The following CHD1L variants were observed in gnomAD, a reference collection of about 807,000 sequenced individuals.
CHD1L encodes chromodomain helicase DNA binding protein 1 like, also known as ATP-dependent chromatin remodeler CHD1L.
A neutral mutation model predicts 115.9 loss-of-function variants in CHD1L; 118 were observed. That is an observed-to-expected ratio of 1.02 (90% CI 0.88 to 1.19). The LOEUF is 1.19. Among genes scored for constraint, CHD1L ranks in the 50% most tolerant of loss-of-function variants. The pLI is 0.00. For missense variants in CHD1L, 1,179 were observed against 1,065.3 expected, an observed-to-expected ratio of 1.11 and a Z score of -1.49; for synonymous variants, 411 against 387.1, an observed-to-expected ratio of 1.06 and a Z score of -0.72.
At chr1:147,226,159 A>G in the CHD1L span, among the ~76,000 whole-genome samples, 2 of 149,708 alleles carry the variant, frequency 1.3e-5, no homozygotes, top group Non-Finnish European at 3.0e-5. Context: ...CTTGTGAACG[A>G]GGCAAGGTGG....
chr1:147,252,476 ATCCATAAC>A (rs1553937031), intron 1 of CHD1L, 139 bp from the exon 2 acceptor site: 4 of 582,884 alleles, frequency 6.9e-6, no homozygotes, highest in African/African-American at 5.5e-5. Context: ...ATGTTTAGAT[ATCCATAAC>A]TCCTCAGCAA....
At chr1:147,217,065 A>G in the CHD1L span, among the ~76,000 whole-genome samples, 1 of 150,838 alleles carries the variant, frequency 6.6e-6, no homozygotes. Context: ...ACATGGAGAA[A>G]CCCTGTCTCT....
the CHD1L span, chr1:147,178,582 G>C: frequency 6.2e-7 from 1 of 1,608,192 alleles, no homozygotes; most frequent in Non-Finnish European, 8.5e-7. Context: ...TGCCTCTATA[G>C]TAGGTTTTTT....
At chr1:147,217,204 A>C in the CHD1L span, among the ~76,000 whole-genome samples, 4 of 151,630 alleles carry the variant, frequency 2.6e-5, no homozygotes, top group Non-Finnish European at 5.9e-5. Flanking sequence ...GCGCCATTGC[A>C]CTCCAGCCTG....
chr1:147,238,215 C>T (rs1664647869), upstream of CHD1L, among the ~76,000 whole-genome samples: 1 of 152,160 alleles, frequency 6.6e-6, no homozygotes, highest in Admixed American at 6.5e-5. Context: ...CACCCATGGG[C>T]ACGGACCTAA....
At chr1:147,186,787 G>A in the CHD1L span, 2 of 1,491,946 alleles carry the variant, frequency 1.3e-6, no homozygotes, top group Non-Finnish European at 1.8e-6. Context: ...TTTCGAAAGA[G>A]ACATTAAAGT....
chr1:147,242,898 G>T, intron 1 of CHD1L, 68 bp downstream of exon 1: 1 of 1,237,850 alleles, frequency 8.1e-7, no homozygotes, highest in East Asian at 3.1e-5. Context: ...TGCGGGCCGG[G>T]GGCGCAGCGG....
At chr1:147,295,032 TC>T (rs1355085795) in intron 22 of CHD1L, among the ~76,000 whole-genome samples, 6,169 of 152,320 alleles carry the variant, frequency 0.041, 133 homozygotes, top group African/African-American at 0.059. Flanking sequence ...ACCTCCTTGC[TC>T]TATAAGTTAG....
chr1:147,228,004 G>C, the CHD1L span, among the ~76,000 whole-genome samples: 15 of 77,462 alleles, frequency 1.9e-4, no homozygotes, highest in Non-Finnish European at 3.5e-4. Context: ...GCTCCATGGA[G>C]GCCACTTTTT....
At chr1:147,268,736 C>A in intron 9 of CHD1L, 46 bp from the exon 10 acceptor site, 1 of 1,507,110 alleles carries the variant, frequency 6.6e-7, no homozygotes, top group Non-Finnish European at 9.2e-7. Context: ...CTGGCTTCTG[C>A]CCTTACTGAG....
upstream of CHD1L, among the ~76,000 whole-genome samples, chr1:147,241,279 C>T (rs1429485350): frequency 1.3e-5 from 2 of 152,150 alleles, no homozygotes; most frequent in African/African-American, 4.8e-5. Flanking sequence ...TGATGACATT[C>T]CACCACAAAA....
At chr1:147,224,987 C>T in the CHD1L span, 15 of 1,613,958 alleles carry the variant, frequency 9.3e-6, no homozygotes, top group South Asian at 2.2e-5. Flanking sequence ...GAAGAGAGCC[C>T]GCTCACTCCT....
chr1:147,230,990 T>G, the CHD1L span, among the ~76,000 whole-genome samples: 1 of 152,150 alleles, frequency 6.6e-6, no homozygotes, highest in East Asian at 1.9e-4. Context: ...GAAGGGTTTT[T>G]TGTGTCTCTA....
intron 5 of CHD1L, chr1:147,259,616 C>G (rs1213500115): frequency 4.8e-6 from 2 of 419,248 alleles, no homozygotes; most frequent in Non-Finnish European, 8.6e-6. Flanking sequence ...ATAGGTCTTT[C>G]CCATTTTGTT....
chr1:147,179,126 T>A, the CHD1L span: 1 of 1,614,102 alleles, frequency 6.2e-7, no homozygotes, highest in Non-Finnish European at 8.5e-7. Context: ...AAGTTTGTCA[T>A]GCAGGAGGAT....
intron 16 of CHD1L, among the ~76,000 whole-genome samples, 155 bp from the exon 17 acceptor site, chr1:147,285,169 G>T (rs1682570236): frequency 6.6e-6 from 1 of 152,220 alleles, no homozygotes; most frequent in African/African-American, 2.4e-5. Flanking sequence ...GTGCCTCCAA[G>T]TGCTTTGCCT....
At position 147,257,541 on chromosome 1, in the gene CHD1L, A is replaced by G. The variant is rs10793655; in HGVS notation, c.494+979A>G. ...GTTATTGGCAATATCAGGAAAGTAA[A>G]TCATAGAGCTTCCCTAAGAAGACAA... is the stretch of plus-strand genomic sequence containing the variant. On this transcript the variant is annotated intron_variant, in intron 5 of 22. Coordinates refer to ENST00000369258, the MANE Select transcript of CHD1L (RefSeq NM_004284.6). 2.5e-3 allele frequency among the ~76,000 whole-genome samples: 374 copies of G among 152,292 alleles called. 1 individual carries two copies. The highest frequency in any genetic ancestry group is 8.7e-3 in the African/African-American group (362 of 41,556).
the CHD1L span, chr1:147,204,517 G>C: frequency 1.3e-6 from 2 of 1,565,270 alleles, no homozygotes; most frequent in Non-Finnish European, 1.8e-6. Flanking sequence ...AATCTCATGA[G>C]CTTTTCTGCA....
the CHD1L span, among the ~76,000 whole-genome samples, chr1:147,222,039 A>G: frequency 1.3e-5 from 2 of 152,158 alleles, no homozygotes; most frequent in Admixed American, 6.5e-5. Flanking sequence ...TTTCCTACCT[A>G]GGCACAAGGC....
Sources: allele counts gnomAD v4.1 joint callset (sites outside exome capture counted in the v4.1 genomes callset), GRCh38; gene constraint gnomAD v4.1.1; transcripts MANE v1.5; gene names NCBI Gene and HGNC (gene_info 2026-07-23, HGNC 2026-07-21).